The following CHORDC1 variants were observed in gnomAD, a reference collection of about 807,000 sequenced individuals.
CHORDC1 encodes the protein cysteine and histidine rich domain containing 1.
CHORDC1 carries 25 observed loss-of-function variants against 48.3 expected under a neutral mutation model. The ratio of observed to expected loss-of-function variants is 0.52; its 90% CI spans 0.38 to 0.72. The LOEUF (loss-of-function observed/expected upper bound fraction) is 0.72. Ranked by LOEUF, CHORDC1 falls within the 30% of genes least tolerant of loss-of-function variation. The probability of loss-of-function intolerance (pLI) is 0.00; values close to 1 mark genes in which losing one functional copy is unlikely to be tolerated. For missense variants in CHORDC1, 317 were observed against 388.7 expected (o/e 0.82, Z 1.55); for synonymous variants, 128 against 126.4 (o/e 1.01, Z -0.09).
Position 90,206,281 on chromosome 11 carries a change from G to T in CHORDC1, c.493-9C>A. The T allele has an allele frequency of 7.1e-7, 1 of 1,410,742 alleles. No homozygotes were observed. Among genetic ancestry groups the T allele is most frequent in the Non-Finnish European group, 1.0e-6 (1 of 999,288 alleles). The allele number at this position is 1,410,742 out of a possible 1,614,324, so 87.4% of individuals were successfully genotyped here. The stretch of plus-strand genomic sequence containing the variant: ...TCTAGACCCTGGTATGTCTAAAAAG[G>T]AAACAAAGAGAAAAAAAATTAGCTG... On this transcript the variant is annotated splice_polypyrimidine_tract_variant and intron_variant, in intron 6 of 10. Transcript: ENST00000320585.
intron 6 of CHORDC1, chr11:90,209,151 T>A (rs1476331984): frequency 6.6e-6 from 1 of 152,152 alleles, no homozygotes; most frequent in African/African-American, 2.4e-5. Context: ...ATCTACTACT[T>A]CTACCTCATA....
chr11:90,205,227 T>C (rs1032724467), intron 8 of CHORDC1, among the ~76,000 whole-genome samples: 2 of 152,224 alleles, frequency 1.3e-5, no homozygotes, highest in Admixed American at 6.5e-5. Flanking sequence ...CAGGCTTAAG[T>C]ATTTCACAAA....
chr11:90,220,146 A>G (rs987717239), intron 1 of CHORDC1, among the ~76,000 whole-genome samples: 5 of 152,156 alleles, frequency 3.3e-5, no homozygotes, highest in Admixed American at 6.5e-5. Context: ...TCTTCTTCCA[A>G]TGTCGCACAG....
At position 90,202,068 on chromosome 11, in the gene CHORDC1, TA is replaced by T. The variant is rs1011053050; in HGVS notation, c.*336del. The stretch of plus-strand genomic sequence containing the variant: ...CTAATTATGGAATAATACAAAAACA[TA>T]AAAAAAATGTTCCTTAATATTTCTT... On this transcript the variant is annotated 3_prime_UTR_variant, in exon 11 of 11. Coordinates refer to ENST00000320585, the MANE Select transcript of CHORDC1 (RefSeq NM_012124.3). The T allele has an allele frequency of 7.9e-5, 14 of 177,462 alleles. No homozygotes were observed. Among genetic ancestry groups the T allele is most frequent in the East Asian group, 3.0e-4 (2 of 6,648 alleles). 11.0% of individuals were successfully genotyped at this position (177,462 alleles called of 1,614,324 possible).
In CHORDC1 at chr11:90,214,642, A is replaced by G. The variant is rs1282048230; in HGVS notation, c.172-467T>C. Among the ~76,000 whole-genome samples, 5 of 152,228 alleles carry G rather than the reference A, an allele frequency of 3.3e-5. No homozygotes were observed. The East Asian group carries it at 9.6e-4, about 29-fold the overall frequency. On this transcript the variant is annotated intron_variant, in intron 3 of 10. Transcript: ENST00000320585. ...AGGTAAGATATTTTCTGAGAGAGTT[A>G]AATAATAAAATGCCTGGCACATTTG...
chr11:90,213,525 C>A, intron 4 of CHORDC1: 1 of 576,616 alleles, frequency 1.7e-6, no homozygotes, highest in Non-Finnish European at 3.1e-6. Flanking sequence ...AATGAGCAAA[C>A]GCTTTTTTAA....
intron 1 of CHORDC1, 148 bp from the exon 2 acceptor site, chr11:90,218,332 A>G (rs1266663975): frequency 5.4e-6 from 3 of 557,996 alleles, no homozygotes; most frequent in East Asian, 6.7e-5. Context: ...TTTGACGTGC[A>G]GCACAAAGTG....
intron 1 of CHORDC1, among the ~76,000 whole-genome samples, chr11:90,221,055 A>G (rs11018924): frequency 0.28 from 43,271 of 151,846 alleles, 6,298 homozygotes; most frequent in South Asian, 0.37. Context: ...TCATGAGACT[A>G]TAAGTCAACG....
intron 8 of CHORDC1, among the ~76,000 whole-genome samples, chr11:90,203,824 A>C (rs10830440): frequency 0.43 from 64,897 of 151,980 alleles, 14,344 homozygotes; most frequent in East Asian, 0.59. Context: ...GATAAATCAG[A>C]CAACACCTTA....
At chr11:90,221,678 A>G (rs1858175672) in intron 1 of CHORDC1, among the ~76,000 whole-genome samples, 1 of 152,200 alleles carries the variant, frequency 6.6e-6, no homozygotes, top group Non-Finnish European at 1.5e-5. Flanking sequence ...GAAATCTCAC[A>G]ATTTTCCTCA....
chr11:90,221,226 C>A (rs1278923837), intron 1 of CHORDC1, among the ~76,000 whole-genome samples: 1 of 152,194 alleles, frequency 6.6e-6, no homozygotes, highest in Non-Finnish European at 1.5e-5. Context: ...GGTCAAACCT[C>A]TTCCTAAAAA....
At chr11:90,206,331 C>A in intron 6 of CHORDC1, 59 bp from the exon 7 acceptor site, 1 of 943,016 alleles carries the variant, frequency 1.1e-6, no homozygotes, top group Non-Finnish European at 1.7e-6. Flanking sequence ...ACATCTCATA[C>A]ATATTTGCAG....
intron 9 of CHORDC1, among the ~76,000 whole-genome samples, 172 bp from the exon 10 acceptor site, chr11:90,203,047 C>T (rs978358541): frequency 2.6e-5 from 4 of 152,108 alleles, no homozygotes; most frequent in African/African-American, 9.7e-5. Flanking sequence ...TAACTGGCTT[C>T]AAGTTTCATA....
At chr11:90,210,445 G>T in intron 6 of CHORDC1, 91 bp downstream of exon 6, 1 of 764,304 alleles carries the variant, frequency 1.3e-6, no homozygotes, top group Non-Finnish European at 2.3e-6. Flanking sequence ...TAATATGCAT[G>T]CAAATGTTTG....
chr11:90,222,774 T>C (rs779661932), intron 1 of CHORDC1, 117 bp downstream of exon 1: 16 of 943,574 alleles, frequency 1.7e-5, no homozygotes, highest in East Asian at 5.2e-5. Flanking sequence ...AGGAGGGGCA[T>C]GGACCTGGGG....
At chr11:90,209,632 G>T (rs1332936669) in intron 6 of CHORDC1, among the ~76,000 whole-genome samples, 5 of 152,104 alleles carry the variant, frequency 3.3e-5, no homozygotes, top group Admixed American at 6.6e-5. Flanking sequence ...AAAGGAGAGG[G>T]AGAAGAAATG....
chr11:90,205,447 AAG>A lies in CHORDC1; in HGVS notation c.669+11_669+12del, dbSNP rs36109540. ...TATAAACCCAGTGTGCTATTTTTGG[AAG>A]AGTTACTTACAGCATCTTTTTTAGT... On this transcript the variant is annotated intron_variant, in intron 8 of 10. Transcript: ENST00000320585. 647,884 of 1,426,374 alleles carry A rather than the reference AAG, an allele frequency of 0.45. 151,550 individuals carry two copies. Among genetic ancestry groups the A allele is most frequent in the East Asian group, 0.61 (26,557 of 43,808 alleles). 88.4% of individuals were successfully genotyped at this position (1,426,374 alleles called of 1,614,324 possible).
At chr11:90,216,682 G>A (rs1000922961) in intron 2 of CHORDC1, 1 of 294,644 alleles carries the variant, frequency 3.4e-6, no homozygotes, top group Non-Finnish European at 6.6e-6. Flanking sequence ...GAGAAAAAAC[G>A]GGCAATGGAC....
At chr11:90,222,386 A>T in intron 1 of CHORDC1, 1 of 325,446 alleles carries the variant, frequency 3.1e-6, no homozygotes, top group South Asian at 2.2e-5. Context: ...GGTTTGTAAC[A>T]GCGGATCGAC....
Sources: allele counts gnomAD v4.1 joint callset (sites outside exome capture counted in the v4.1 genomes callset), GRCh38; gene constraint gnomAD v4.1.1; transcripts MANE v1.5; gene names NCBI Gene and HGNC (gene_info 2026-07-23, HGNC 2026-07-21).